The following ANKS1B variants were observed in gnomAD, a reference collection of about 807,000 sequenced individuals.
The protein encoded by ANKS1B is ankyrin repeat and sterile alpha motif domain containing 1B.
A neutral mutation model predicts 148.3 loss-of-function variants in ANKS1B; 36 were observed. The observed-to-expected ratio is 0.24, with a 90% confidence interval of 0.19 to 0.32. ANKS1B has a LOEUF of 0.32. Among genes scored for constraint, ANKS1B ranks in the 10% least tolerant of loss-of-function variants. The pLI, the probability that ANKS1B is intolerant of heterozygous loss-of-function variation, is 1.00. For missense variants in ANKS1B, 1,157 were observed against 1,542.6 expected (o/e 0.75, Z 4.19); for synonymous variants, 542 against 560.8 (o/e 0.97, Z 0.47).
chr12:99,122,336 C>A (rs956536086), intron 15 of ANKS1B, among the ~76,000 whole-genome samples: 1 of 152,032 alleles, frequency 6.6e-6, no homozygotes, highest in Non-Finnish European at 1.5e-5. Flanking sequence ...GAGAAATTTC[C>A]TTAAGAAACA....
chr12:99,584,276 A>G (rs35190944), intron 9 of ANKS1B, among the ~76,000 whole-genome samples: 3,823 of 152,236 alleles, frequency 0.025, 77 homozygotes, highest in African/African-American at 0.055. Context: ...CCAACTTCAC[A>G]TGGCTTTTAT....
chr12:98,975,648 G>T (rs73140904), intron 17 of ANKS1B, among the ~76,000 whole-genome samples: 21,580 of 151,348 alleles, frequency 0.14, 1,863 homozygotes, highest in Admixed American at 0.21. Flanking sequence ...TTTTTGTTTG[G>T]TTTTTTTTTG....
intron 8 of ANKS1B, among the ~76,000 whole-genome samples, chr12:99,681,229 C>A (rs1200296336): frequency 6.6e-6 from 1 of 152,174 alleles, no homozygotes; most frequent in Non-Finnish European, 1.5e-5. Flanking sequence ...TAGAGGCCAA[C>A]CAACTCAAGC....
chr12:99,648,423 T>C (rs1333219527), intron 9 of ANKS1B: 2 of 1,614,154 alleles, frequency 1.2e-6, no homozygotes, highest in East Asian at 4.5e-5. Context: ...TCACACTACC[T>C]GATGTCATGC....
intron 17 of ANKS1B, among the ~76,000 whole-genome samples, chr12:99,007,500 C>T (rs1299999110): frequency 1.3e-5 from 2 of 152,110 alleles, no homozygotes; most frequent in Non-Finnish European, 1.5e-5. Context: ...TCTGCTATGT[C>T]GAATCTCCCA....
intron 8 of ANKS1B, among the ~76,000 whole-genome samples, chr12:99,697,622 T>C (rs1415877044): frequency 6.6e-6 from 1 of 152,118 alleles, no homozygotes; most frequent in East Asian, 1.9e-4. Flanking sequence ...AAAAGGTTTT[T>C]AGGGTAGTGA....
chr12:99,696,550 G>C (rs1299049518), intron 8 of ANKS1B, among the ~76,000 whole-genome samples: 1 of 152,028 alleles, frequency 6.6e-6, no homozygotes, highest in Non-Finnish European at 1.5e-5. Flanking sequence ...TTAGACACAG[G>C]TCTTACACTT....
At chr12:99,421,668 A>G (rs7295651) in intron 11 of ANKS1B, among the ~76,000 whole-genome samples, 30,128 of 152,182 alleles carry the variant, frequency 0.2, 3,514 homozygotes, top group African/African-American at 0.33. Flanking sequence ...GAGCTTGAAG[A>G]GGAAACATCA....
At chr12:99,327,163 ATATAATTATATTATATATTTAT>A (rs924951670) in intron 12 of ANKS1B, among the ~76,000 whole-genome samples, 1 of 120,064 alleles carries the variant, frequency 8.3e-6, no homozygotes, top group Admixed American at 1.0e-4. Context: ...AATATATAAT[ATATAATTATATTATATATTTAT>A]TATAATTATA....
intron 14 of ANKS1B, among the ~76,000 whole-genome samples, chr12:99,172,877 A>G (rs1483478014): frequency 6.6e-6 from 1 of 152,218 alleles, no homozygotes; most frequent in African/African-American, 2.4e-5. Flanking sequence ...AATATTAGCT[A>G]TAACAATAAA....
intron 19 of ANKS1B, among the ~76,000 whole-genome samples, chr12:98,813,336 C>T (rs1484033819): frequency 1.3e-5 from 2 of 150,764 alleles, no homozygotes; most frequent in African/African-American, 2.4e-5. Flanking sequence ...CTCAGCCTCC[C>T]AAGGAGCTGG....
chr12:99,051,299 A>G (rs573384011), intron 17 of ANKS1B, among the ~76,000 whole-genome samples: 1 of 152,226 alleles, frequency 6.6e-6, no homozygotes, highest in African/African-American at 2.4e-5. Flanking sequence ...ATAGAGTCCT[A>G]TTGAAATCCA....
intron 1 of ANKS1B, among the ~76,000 whole-genome samples, chr12:99,909,708 G>T (rs1227350304): frequency 1.3e-5 from 2 of 152,016 alleles, no homozygotes; most frequent in Non-Finnish European, 2.9e-5. Flanking sequence ...AGATTGCTTT[G>T]CCTATTTGGG....
chr12:99,521,171 T>A (rs1221246873), intron 9 of ANKS1B, among the ~76,000 whole-genome samples: 1 of 152,176 alleles, frequency 6.6e-6, no homozygotes, highest in Non-Finnish European at 1.5e-5. Flanking sequence ...ATTAAAAGAC[T>A]CTGATGCATT....
intron 11 of ANKS1B, among the ~76,000 whole-genome samples, chr12:99,439,282 T>C (rs1023601081): frequency 5.3e-5 from 8 of 151,448 alleles, no homozygotes; most frequent in South Asian, 4.1e-4. Flanking sequence ...ACACTAACCA[T>C]AGAAGAATAA....
intron 8 of ANKS1B, among the ~76,000 whole-genome samples, chr12:99,757,810 G>A (rs2153603095): frequency 6.6e-6 from 1 of 151,890 alleles, no homozygotes; most frequent in South Asian, 2.1e-4. Flanking sequence ...TGAATCTGAG[G>A]CCATTATCTT....
At chr12:99,744,072 T>C (rs1365196592) in intron 8 of ANKS1B, among the ~76,000 whole-genome samples, 5 of 152,152 alleles carry the variant, frequency 3.3e-5, no homozygotes, top group Non-Finnish European at 4.4e-5. Context: ...TGAGCATCCA[T>C]GGATTTCAGT....
intron 15 of ANKS1B, among the ~76,000 whole-genome samples, chr12:99,140,629 C>T (rs527980850): frequency 7.2e-5 from 11 of 152,128 alleles, no homozygotes; most frequent in South Asian, 6.2e-4. Context: ...AATTTGCACA[C>T]GGAAAACAGA....
At chr12:99,574,824 G>A (rs1160026955) in intron 9 of ANKS1B, among the ~76,000 whole-genome samples, 1 of 152,060 alleles carries the variant, frequency 6.6e-6, no homozygotes, top group Non-Finnish European at 1.5e-5. Flanking sequence ...ACAGGACAAT[G>A]ATGAAAAGCT....
Sources: gnomAD v4.1 joint callset for allele counts (sites outside exome capture counted in the v4.1 genomes callset) on GRCh38, gnomAD v4.1.1 for gene constraint, MANE v1.5 for transcripts, NCBI Gene and HGNC (gene_info 2026-07-23, HGNC 2026-07-21) for gene names.